Variants in SPCS3 observed in about 807,000 individuals in gnomAD.
The protein encoded by SPCS3 is SPase 22 kDa subunit.
In SPCS3, 9 loss-of-function variants were observed where a neutral mutation model predicts 17.2. The observed-to-expected ratio is 0.52, with a 90% CI of 0.31 to 0.91. The LOEUF (loss-of-function observed/expected upper bound fraction) is 0.91, where lower values mean the gene tolerates loss of function less well. Ranked by LOEUF, SPCS3 falls within the 40% of genes least tolerant of loss-of-function variation. The pLI, the probability that SPCS3 is intolerant of heterozygous loss-of-function variation, is 0.04. For missense variants in SPCS3, 139 were observed against 217.5 expected (o/e 0.64, Z 2.27); for synonymous variants, 87 against 89.6 (o/e 0.97, Z 0.16).
Position 176,331,437 on chromosome 4 carries a change from T to C in SPCS3, c.*3107T>C, listed in dbSNP as rs1210653641. 6.6e-6 allele frequency: 1 copy of C among 152,172 alleles called. No individual in the cohort carries two copies. The highest frequency in any genetic ancestry group is 2.4e-5 in the African/African-American group (1 of 41,450). The allele number at this position is 152,172 out of a possible 1,614,324, so 9.4% of individuals were successfully genotyped here. On this transcript the variant is annotated 3_prime_UTR_variant, in exon 5 of 5. Coordinates refer to ENST00000503362, the MANE Select transcript of SPCS3 (RefSeq NM_021928.4). ...GAGAGAAGCCTGTATATGTTACATG[T>C]GTGACTTTCAGTAGTTTAAAGAGAT...
At chr4:176,325,643 C>T (rs1377846861) in intron 3 of SPCS3, among the ~76,000 whole-genome samples, 2 of 151,320 alleles carry the variant, frequency 1.3e-5, no homozygotes, top group Non-Finnish European at 2.9e-5. Flanking sequence ...AATTAATATC[C>T]TTACCTATTG....
chr4:176,321,633 A>G (rs1288306194), intron 1 of SPCS3: 1 of 152,342 alleles, frequency 6.6e-6, no homozygotes, highest in Non-Finnish European at 1.5e-5. Context: ...GAGATTAACA[A>G]TAACATAATA....
intron 3 of SPCS3, among the ~76,000 whole-genome samples, chr4:176,325,051 A>T (rs1454163): frequency 0.19 from 25,654 of 132,186 alleles, 2,353 homozygotes; most frequent in Middle Eastern, 0.27. Flanking sequence ...TTTTTTTTTT[A>T]CTTTTTTTTT....
Position 176,319,966 on chromosome 4 carries a change from G to A in SPCS3, c.-111G>A. Reference sequence around the variant, plus strand: ...AGGAGGCGGGGCTGCGGCGGCGCGCGCTCCCGGAACGCGCGCACCGCAGAC... The same window carrying A: ...AGGAGGCGGGGCTGCGGCGGCGCGCACTCCCGGAACGCGCGCACCGCAGAC... On this transcript the variant is annotated 5_prime_UTR_variant, in exon 1 of 5. Transcript: ENST00000503362. 7.7e-7 allele frequency: 1 copy of A among 1,297,436 alleles called. No homozygotes were observed. The highest frequency in any genetic ancestry group is 1.0e-6 in the Non-Finnish European group (1 of 1,002,398). The allele number at this position is 1,297,436 out of a possible 1,614,324, so 80.4% of individuals were successfully genotyped here. A position where few individuals can be genotyped will look rare whatever the true frequency, so the allele number is the denominator to read the frequency against.
Position 176,331,946 on chromosome 4 carries a change from T to G in SPCS3, c.*3616T>G, listed in dbSNP as rs1731693415. On this transcript the variant is annotated 3_prime_UTR_variant, in exon 5 of 5. Transcript: ENST00000503362. The stretch of plus-strand genomic sequence containing the variant: ...CATTTTTTCTAATGAAAATGAATTT[T>G]GTTTACCAGTAAAAGTATGCATTTT... 6.6e-6 allele frequency: 1 copy of G among 152,254 alleles called. No homozygotes were observed. 9.4% of individuals were successfully genotyped at this position (152,254 alleles called of 1,614,324 possible). A position where few individuals can be genotyped will look rare whatever the true frequency, so the allele number is the denominator to read the frequency against.
At position 176,331,180 on chromosome 4, in the gene SPCS3, G is replaced by A. The variant is rs992130111; in HGVS notation, c.*2850G>A. The A allele has an allele frequency of 6.6e-6, 1 of 151,996 alleles. No homozygotes were observed. The highest frequency in any genetic ancestry group is 1.5e-5 in the Non-Finnish European group (1 of 67,988). 9.4% of individuals were successfully genotyped at this position (151,996 alleles called of 1,614,324 possible). On this transcript the variant is annotated 3_prime_UTR_variant, in exon 5 of 5. Coordinates refer to ENST00000503362, the MANE Select transcript of SPCS3 (RefSeq NM_021928.4). Reference sequence around the variant, plus strand: ...AAAAGCTGGGCTTTTTCTCTAAGATGATAATCTTAAAGCCCAGCTATTAAT... The same window carrying A: ...AAAAGCTGGGCTTTTTCTCTAAGATAATAATCTTAAAGCCCAGCTATTAAT...
intron 3 of SPCS3, among the ~76,000 whole-genome samples, chr4:176,324,906 A>T (rs1203771023): frequency 2.0e-5 from 3 of 152,140 alleles, no homozygotes; most frequent in Middle Eastern, 3.2e-3. Context: ...GACAACCTAG[A>T]TAGATCTGAT....
chr4:176,320,414 C>G, intron 1 of SPCS3, 195 bp downstream of exon 1: 1 of 340,678 alleles, frequency 2.9e-6, no homozygotes, highest in Middle Eastern at 8.4e-4. Context: ...CCCCTCGGAA[C>G]TTGCACCCCT....
At position 176,330,206 on chromosome 4, in the gene SPCS3, T is replaced by A. The variant is rs1454545058; in HGVS notation, c.*1876T>A. 6.6e-6 allele frequency: 1 copy of A among 152,220 alleles called. No individual in the cohort carries two copies. The highest frequency in any genetic ancestry group is 2.4e-5 in the African/African-American group (1 of 41,458). The allele number at this position is 152,220 out of a possible 1,614,324, so 9.4% of individuals were successfully genotyped here. ...TGAAAGTCTAACACATAACTCATAT[T>A]GATTTACTTTATTTCTGTTAGATTT... is the stretch of plus-strand genomic sequence containing the variant. On this transcript the variant is annotated 3_prime_UTR_variant, in exon 5 of 5. Transcript: ENST00000503362.
intron 4 of SPCS3, 138 bp from the exon 5 acceptor site, chr4:176,328,060 T>C: frequency 1.3e-6 from 1 of 756,012 alleles, no homozygotes; most frequent in South Asian, 2.0e-5. Context: ...ATAGTTCTTT[T>C]TGCAGATTAA....
intron 1 of SPCS3, chr4:176,320,502 T>G: frequency 1.6e-5 from 3 of 189,670 alleles, no homozygotes; most frequent in Admixed American, 6.2e-5. Flanking sequence ...TTGCTTCCTG[T>G]TCCTCACTTC....
Position 176,327,240 on chromosome 4 carries a change from A to G in SPCS3, c.373A>G (p.Thr125Ala). ...GAAGCTGCTGCTGAAAGATATGAAA[A>G]CAAAATATTTTTTCTTTGACGATGG... is the stretch of plus-strand genomic sequence containing the variant. ...NPKLLLKDMK[T>A]KYFFFDDGNG... The change falls in exon 4 of 5, where the codon ACA becomes GCA. Residue 125 changes from threonine to alanine, a missense_variant. By Grantham distance (58) the Thr-to-Ala change is moderately conservative. Transcript: ENST00000503362. 11 of 1,591,220 alleles carry G rather than the reference A, an allele frequency of 6.9e-6. No individual in the cohort carries two copies. The highest frequency in any genetic ancestry group is 9.4e-6 in the Non-Finnish European group (11 of 1,169,102).
chr4:176,326,184 C>T (rs1177050475), intron 3 of SPCS3, among the ~76,000 whole-genome samples: 1 of 151,918 alleles, frequency 6.6e-6, no homozygotes, highest in African/African-American at 2.4e-5. Context: ...GCCTGTAATC[C>T]TAGCTACTTG....
rs1731640211 is a variant in SPCS3, at chr4:176,328,526, A to T, written c.*196A>T. ...ATGGGCTACTTAATATTATGAACAA[A>T]ACAAAAAAACAAGGCTGCCACAGTG... On this transcript the variant is annotated 3_prime_UTR_variant, in exon 5 of 5. Transcript: ENST00000503362. 9.0e-6 allele frequency: 3 copies of T among 332,892 alleles called. No homozygotes were observed. In the Admixed American group the frequency reaches 1.4e-4, roughly 16 times the overall value. 20.6% of individuals were successfully genotyped at this position (332,892 alleles called of 1,614,324 possible). A position where few individuals can be genotyped will look rare whatever the true frequency, so the allele number is the denominator to read the frequency against.
intron 2 of SPCS3, 40 bp downstream of exon 2, chr4:176,322,283 T>G: frequency 7.5e-7 from 1 of 1,333,476 alleles, no homozygotes; most frequent in Non-Finnish European, 1.1e-6. Flanking sequence ...TTTCTGTAGT[T>G]TTATAATGAG....
Position 176,329,525 on chromosome 4 carries a change from A to C in SPCS3, c.*1195A>C, listed in dbSNP as rs928217261. 6.6e-6 allele frequency: 1 copy of C among 152,154 alleles called. No homozygotes were observed. Among genetic ancestry groups the C allele is most frequent in the Non-Finnish European group, 1.5e-5 (1 of 67,990 alleles). The allele number at this position is 152,154 out of a possible 1,614,324, so 9.4% of individuals were successfully genotyped here. On this transcript the variant is annotated 3_prime_UTR_variant, in exon 5 of 5. Coordinates refer to ENST00000503362, the MANE Select transcript of SPCS3 (RefSeq NM_021928.4). ...AGAAAAGGTTTCCCATTTTATATGG[A>C]AGTGACTAATTTTCAAGCTGCCAAC...
In SPCS3 at chr4:176,320,024, G is replaced by T; in HGVS notation, c.-53G>T. On this transcript the variant is annotated 5_prime_UTR_variant, in exon 1 of 5. Coordinates refer to ENST00000503362, the MANE Select transcript of SPCS3 (RefSeq NM_021928.4). ...ATCGCAGGGAGCCGGTCCGCCGCCG[G>T]AACGGGAGCCTGGGTGTGCGTGTGG... 6.9e-7 allele frequency: 1 copy of T among 1,448,616 alleles called. No individual in the cohort carries two copies. The highest frequency in any genetic ancestry group is 9.2e-7 in the Non-Finnish European group (1 of 1,085,570). 89.7% of individuals were successfully genotyped at this position (1,448,616 alleles called of 1,614,324 possible). A position where few individuals can be genotyped will look rare whatever the true frequency, so the allele number is the denominator to read the frequency against.
chr4:176,323,482 C>G (rs1731563743), intron 2 of SPCS3, among the ~76,000 whole-genome samples: 1 of 152,114 alleles, frequency 6.6e-6, no homozygotes, highest in Non-Finnish European at 1.5e-5. Context: ...TGGAATGTAA[C>G]AAATGTGTTA....
Position 176,320,073 on chromosome 4 carries a change from C to T in SPCS3, c.-4C>T. ...GGAGTCCGGACTCGTGGGAGACGAT[C>T]GCGATGAACACGGTGCTGTCGCGGG... is the stretch of plus-strand genomic sequence containing the variant. On this transcript the variant is annotated 5_prime_UTR_variant, in exon 1 of 5. Coordinates refer to ENST00000503362, the MANE Select transcript of SPCS3 (RefSeq NM_021928.4). 6.5e-7 allele frequency: 1 copy of T among 1,548,402 alleles called. No homozygotes were observed. The highest frequency in any genetic ancestry group is 2.7e-5 in the East Asian group (1 of 37,378).
Sources: allele counts gnomAD v4.1 joint callset (sites outside exome capture counted in the v4.1 genomes callset), GRCh38; gene constraint gnomAD v4.1.1; transcripts MANE v1.5; gene names NCBI Gene and HGNC (gene_info 2026-07-23, HGNC 2026-07-21).